Variants in LRTM3 observed in about 807,000 individuals in gnomAD.
LRTM3 encodes the protein leucine-rich repeat transmembrane protein 3.
chr13:102,737,760 T>G, the LRTM3 span: 1 of 1,551,018 alleles, frequency 6.4e-7, no homozygotes, highest in African/African-American at 1.4e-5. Flanking sequence ...TTTGCTTTTT[T>G]CCCTGTCTCT....
chr13:102,738,406 TA>T, the LRTM3 span: 1 of 1,550,890 alleles, frequency 6.4e-7, no homozygotes, highest in South Asian at 1.2e-5. Context: ...TATCCAGTTG[TA>T]AATGAGAAGG....
chr13:102,737,823 G>C, the LRTM3 span: 970 of 1,549,308 alleles, frequency 6.3e-4, 1 homozygote, highest in Non-Finnish European at 7.4e-4. Context: ...ATTCCTTGTT[G>C]GTCTTCCTCT....
chr13:102,748,543 G>A, the LRTM3 span: 1 of 1,550,638 alleles, frequency 6.4e-7, no homozygotes, highest in Admixed American at 2.0e-5. Context: ...AACTTTGTAG[G>A]TCCTCCTGTA....
the LRTM3 span, chr13:102,732,714 T>C: frequency 3.9e-3 from 6,045 of 1,551,240 alleles, 15 homozygotes; most frequent in Middle Eastern, 0.01. Flanking sequence ...CCTCTCTCCT[T>C]CTCCAGATTG....
At chr13:102,758,300 A>G in the LRTM3 span, 1 of 672,016 alleles carries the variant, frequency 1.5e-6, no homozygotes, top group East Asian at 2.8e-5. Flanking sequence ...CATGATATTG[A>G]ACAGCTAGGA....
the LRTM3 span, chr13:102,743,188 C>G: frequency 6.4e-7 from 1 of 1,550,672 alleles, no homozygotes; most frequent in Middle Eastern, 1.7e-4. Context: ...GTTTTGCTCC[C>G]TTTACCAAGT....
the LRTM3 span, among the ~76,000 whole-genome samples, chr13:102,753,360 A>G: frequency 6.6e-6 from 1 of 152,132 alleles, no homozygotes; most frequent in Non-Finnish European, 1.5e-5. Context: ...ATTAGGACAG[A>G]CAAATACCTA....
chr13:102,742,241 T>C, the LRTM3 span: 2 of 1,550,458 alleles, frequency 1.3e-6, no homozygotes, highest in South Asian at 2.4e-5. Flanking sequence ...TGCAGTACCA[T>C]ACTCAAGCAG....
the LRTM3 span, chr13:102,743,628 T>C: frequency 2.6e-6 from 4 of 1,550,362 alleles, no homozygotes; most frequent in Non-Finnish European, 3.5e-6. Context: ...CCCAGGAAAG[T>C]TGCAGGTGAG....
chr13:102,740,127 G>A, the LRTM3 span: 1 of 1,548,028 alleles, frequency 6.5e-7, no homozygotes, highest in Non-Finnish European at 8.7e-7. Context: ...TTTGCCTTTT[G>A]TGTTTCTATC....
chr13:102,746,676 G>T, the LRTM3 span: 6 of 1,551,184 alleles, frequency 3.9e-6, no homozygotes, highest in Admixed American at 2.0e-5. Context: ...GATAAAACAG[G>T]AGTGCAATAA....
chr13:102,737,481 G>T, the LRTM3 span: 1 of 1,550,470 alleles, frequency 6.4e-7, no homozygotes, highest in African/African-American at 1.4e-5. Context: ...GCTTGCTGTT[G>T]CTCTTCAGTT....
the LRTM3 span, among the ~76,000 whole-genome samples, chr13:102,751,729 G>A: frequency 6.6e-6 from 1 of 152,128 alleles, no homozygotes; most frequent in East Asian, 1.9e-4. Flanking sequence ...AAATAGTGAA[G>A]GCAGTATATG....
the LRTM3 span, chr13:102,738,474 G>T: frequency 6.4e-7 from 1 of 1,550,618 alleles, no homozygotes; most frequent in Non-Finnish European, 8.7e-7. Flanking sequence ...CCTTTAATAT[G>T]TTCTATCCTT....
At chr13:102,758,998 A>G in the LRTM3 span, 1 of 964,120 alleles carries the variant, frequency 1.0e-6, no homozygotes, top group Admixed American at 2.8e-5. Flanking sequence ...AGGCCCTGAA[A>G]TATAAAACCT....
the LRTM3 span, chr13:102,736,215 G>A: frequency 6.5e-7 from 1 of 1,548,766 alleles, no homozygotes. Flanking sequence ...ATGAATGGAT[G>A]AGTTTTTGTC....
the LRTM3 span, chr13:102,737,492 T>A: frequency 4.5e-6 from 7 of 1,550,584 alleles, no homozygotes; most frequent in Non-Finnish European, 6.1e-6. Flanking sequence ...CTCTTCAGTT[T>A]CTCCATCCCT....
chr13:102,739,381 C>T, the LRTM3 span: 2 of 1,550,164 alleles, frequency 1.3e-6, no homozygotes, highest in Non-Finnish European at 1.7e-6. Flanking sequence ...TATTAATTGA[C>T]TCTGCAGATG....
chr13:102,739,242 G>A, the LRTM3 span: 1 of 1,550,356 alleles, frequency 6.5e-7, no homozygotes, highest in Non-Finnish European at 8.7e-7. Context: ...TGTCTAAAAA[G>A]TGATTTCTTT....
Sources: gnomAD v4.1 joint callset for allele counts (sites outside exome capture counted in the v4.1 genomes callset) on GRCh38, gnomAD v4.1.1 for gene constraint, MANE v1.5 for transcripts, NCBI Gene and HGNC (gene_info 2026-07-23, HGNC 2026-07-21) for gene names.